DOCK3: variants seen among roughly 807,000 people sequenced by gnomAD.
The protein encoded by DOCK3 is dedicator of cytokinesis protein 3.
DOCK3 carries 60 observed loss-of-function variants against 265.6 expected under a neutral mutation model. The observed-to-expected ratio is 0.23, with a 90% CI of 0.18 to 0.28. DOCK3 has a LOEUF of 0.28. Ranked by LOEUF, DOCK3 falls within the 10% of genes least tolerant of loss-of-function variation. DOCK3 has a pLI of 1.00. For missense variants in DOCK3, 1,981 were observed against 2,594.3 expected (o/e 0.76, Z 5.14); for synonymous variants, 881 against 938.0 (o/e 0.94, Z 1.11).
At chr3:51,106,376 C>T (rs577446942) in intron 9 of DOCK3, among the ~76,000 whole-genome samples, 7 of 152,332 alleles carry the variant, frequency 4.6e-5, no homozygotes, top group Admixed American at 3.3e-4. Context: ...GGCTGCAGCC[C>T]ACCCACACCC....
chr3:51,277,962 G>T, intron 26 of DOCK3: 2 of 985,332 alleles, frequency 2.0e-6, no homozygotes, highest in Non-Finnish European at 2.4e-6. Flanking sequence ...CTCTTCTTTA[G>T]GGCAGATCTG....
chr3:51,372,907 G>A (rs1486076841), intron 49 of DOCK3, among the ~76,000 whole-genome samples: 4 of 152,170 alleles, frequency 2.6e-5, no homozygotes, highest in African/African-American at 9.7e-5. Flanking sequence ...AGAGAACATA[G>A]AAACCAGTAA....
chr3:51,105,994 G>C (rs1368542402), intron 9 of DOCK3, among the ~76,000 whole-genome samples: 2 of 152,228 alleles, frequency 1.3e-5, no homozygotes, highest in African/African-American at 4.8e-5. Flanking sequence ...TGTTGACAGG[G>C]AAAGCTGCTT....
Position 51,228,688 on chromosome 3 carries a change from C to T in DOCK3, c.1675C>T (p.His559Tyr). The T allele has an allele frequency of 6.2e-7, 1 of 1,613,812 alleles. No homozygotes were observed. Among genetic ancestry groups the T allele is most frequent in the Non-Finnish European group, 8.5e-7 (1 of 1,179,836 alleles). ...KCDENSTFNNHALYLGLPCCK... is the reference protein window; with the variant it reads ...KCDENSTFNNYALYLGLPCCK... Reference sequence around the variant, plus strand: ...TGATGAGAATAGCACGTTTAATAACCATGCTCTGTACCTGGGCCTGCCCTG... The same window carrying T: ...TGATGAGAATAGCACGTTTAATAACTATGCTCTGTACCTGGGCCTGCCCTG... Residue 559 changes from histidine to tyrosine, a missense_variant, in exon 18 of 53, where the codon CAT becomes TAT. His to Tyr is a moderately conservative substitution (Grantham distance 83, BLOSUM62 2). This residue lies in a region of DOCK3 where 1,357 missense variants were observed against 1,866.8 expected (regional missense o/e 0.73). Coordinates refer to ENST00000266037, the MANE Select transcript of DOCK3 (RefSeq NM_004947.5).
At chr3:51,291,324 C>T (rs1240652740) in intron 27 of DOCK3, among the ~76,000 whole-genome samples, 2 of 151,546 alleles carry the variant, frequency 1.3e-5, no homozygotes, top group African/African-American at 2.4e-5. Flanking sequence ...ATGAAATGGA[C>T]ACTAAAAAAA....
At chr3:51,171,422 G>C (rs938892739) in intron 12 of DOCK3, among the ~76,000 whole-genome samples, 1 of 151,982 alleles carries the variant, frequency 6.6e-6, no homozygotes, top group Non-Finnish European at 1.5e-5. Context: ...AATTTGTTAA[G>C]ATTTGTTTTG....
chr3:50,906,914 C>A lies in DOCK3; in HGVS notation c.218+16833C>A, dbSNP rs907255029. 1.6e-4 allele frequency among the ~76,000 whole-genome samples: 24 copies of A among 152,114 alleles called. 1 individual carries two copies. Among genetic ancestry groups the A allele is most frequent in the African/African-American group, 5.3e-4 (22 of 41,376 alleles). On this transcript the variant is annotated intron_variant, in intron 4 of 52. Transcript: ENST00000266037. ...ATTTAGTGCTATAAATTTCCCTCTA[C>A]ACACTGCTTTGAATGTGTCCCAGAG...
chr3:51,283,849 A>G (rs1284032976), intron 27 of DOCK3, among the ~76,000 whole-genome samples: 1 of 152,112 alleles, frequency 6.6e-6, no homozygotes, highest in Non-Finnish European at 1.5e-5. Context: ...GTGGTTTCGT[A>G]TGGGCATGTA....
At chr3:51,167,073 C>CTA (rs2086441831) in intron 12 of DOCK3, among the ~76,000 whole-genome samples, 1 of 152,116 alleles carries the variant, frequency 6.6e-6, no homozygotes, top group South Asian at 2.1e-4. Context: ...CTGTTTTCTC[C>CTA]TAGTTTTACA....
At chr3:50,922,133 A>G (rs1441941195) in intron 4 of DOCK3, among the ~76,000 whole-genome samples, 1 of 152,190 alleles carries the variant, frequency 6.6e-6, no homozygotes, top group African/African-American at 2.4e-5. Context: ...CCTTTTGTTC[A>G]GGTATGCCTT....
intron 3 of DOCK3, among the ~76,000 whole-genome samples, chr3:50,848,923 T>C (rs1250988167): frequency 6.6e-6 from 1 of 152,242 alleles, no homozygotes; most frequent in Non-Finnish European, 1.5e-5. Context: ...TTCTTAGGAA[T>C]GCCAGTAATT....
chr3:50,703,918 A>T (rs192741197), intron 1 of DOCK3, among the ~76,000 whole-genome samples: 1 of 151,754 alleles, frequency 6.6e-6, no homozygotes, highest in African/African-American at 2.4e-5. Flanking sequence ...GTTTATTTCT[A>T]TAAACTTTTT....
intron 2 of DOCK3, among the ~76,000 whole-genome samples, chr3:50,795,025 C>A (rs774727279): frequency 6.6e-6 from 1 of 151,942 alleles, no homozygotes; most frequent in African/African-American, 2.4e-5. Context: ...GGGTTTGAAT[C>A]TCTCTTTTTT....
intron 1 of DOCK3, among the ~76,000 whole-genome samples, chr3:50,747,307 A>C (rs1160044741): frequency 6.6e-6 from 1 of 152,128 alleles, no homozygotes; most frequent in Non-Finnish European, 1.5e-5. Flanking sequence ...TGTCATCTGC[A>C]TTTCCATATG....
intron 6 of DOCK3, among the ~76,000 whole-genome samples, chr3:51,067,904 GAGAAC>G (rs2081663370): frequency 6.6e-6 from 1 of 152,148 alleles, no homozygotes; most frequent in Admixed American, 6.5e-5. Context: ...CACAAAAGCT[GAGAAC>G]AGATGACTAT....
intron 2 of DOCK3, among the ~76,000 whole-genome samples, chr3:50,779,121 C>G (rs1034714234): frequency 6.6e-6 from 1 of 151,958 alleles, no homozygotes; most frequent in Admixed American, 6.6e-5. Context: ...TCCAATTGTA[C>G]TCCCTCAGTT....
chr3:50,975,001 A>G (rs2077385358), intron 5 of DOCK3, among the ~76,000 whole-genome samples: 1 of 150,180 alleles, frequency 6.7e-6, no homozygotes, highest in Admixed American at 6.6e-5. Context: ...GTATCCTGAG[A>G]CTTTGCTGAA....
chr3:51,196,794 G>C (rs1416887235), intron 12 of DOCK3, among the ~76,000 whole-genome samples: 1 of 152,064 alleles, frequency 6.6e-6, no homozygotes, highest in East Asian at 1.9e-4. Flanking sequence ...TGTTTTTCTG[G>C]ATTCGCTTGT....
In DOCK3 at chr3:51,356,105, A is replaced by G. The variant is rs757102117; in HGVS notation, c.4266A>G (p.Ala1422=). 6.2e-7 allele frequency: 1 copy of G among 1,613,980 alleles called. No homozygotes were observed. The highest frequency in any genetic ancestry group is 8.5e-7 in the Non-Finnish European group (1 of 1,179,876). ...QCDAQYLQIY[A]VTPIPDYVDV... ...CCTGCCCAGACTTGCAGATCTATGC[A>G]GTGACGCCCATTCCAGATTATGTGG... The change falls in exon 42 of 53, where the codon GCA becomes GCG. Residue 1422 remains alanine (A), a synonymous_variant. Transcript: ENST00000266037.
Sources: allele counts gnomAD v4.1 joint callset (sites outside exome capture counted in the v4.1 genomes callset), GRCh38; gene constraint gnomAD v4.1.1; regional missense constraint gnomAD v4.1.1; transcripts MANE v1.5; gene names NCBI Gene and HGNC (gene_info 2026-07-23, HGNC 2026-07-21).